FRAS1: variants seen among roughly 807,000 people sequenced by gnomAD.
FRAS1 encodes Fraser extracellular matrix complex subunit 1.
FRAS1 carries 290 observed loss-of-function variants against 435.2 expected under a neutral mutation model. The observed-to-expected ratio is 0.67, with a 90% confidence interval of 0.61 to 0.73. FRAS1 has a LOEUF of 0.73. Among genes scored for constraint, FRAS1 ranks in the 30% least tolerant of loss-of-function variants. The pLI is 0.00. For missense variants in FRAS1, 4,860 were observed against 5,001.5 expected, an observed-to-expected ratio of 0.97 and a Z score of 0.85; for synonymous variants, 1,800 against 1,851.0, an observed-to-expected ratio of 0.97 and a Z score of 0.71.
chr4:78,374,249 CA>C lies in FRAS1; in HGVS notation c.3150del (p.Ala1051ProfsTer24). The C allele has an allele frequency of 6.4e-7, 1 of 1,572,676 alleles. No homozygotes were observed. The highest frequency in any genetic ancestry group is 8.7e-7 in the Non-Finnish European group (1 of 1,155,098). On this transcript the variant is annotated frameshift_variant and splice_region_variant, in exon 25 of 74. Coordinates refer to ENST00000512123, the MANE Select transcript of FRAS1 (RefSeq NM_025074.7). LOFTEE classifies it high-confidence loss of function. Reference protein sequence around the residue: ...YFADHAKHKCTACPQGCLQCS... With the variant: ...YFADHAKHKCXACPQGCLQCS... The stretch of plus-strand genomic sequence containing the variant: ...GCAGATCATGCAAAGCACAAATGCA[CA>C]GGTAACTTGGAGACTGCTGATTATT...
chr4:78,401,792 ATTAGACCATGTGTCTTGTCT>A, intron 30 of FRAS1, among the ~76,000 whole-genome samples: 1 of 151,398 alleles, frequency 6.6e-6, no homozygotes, highest in Admixed American at 6.6e-5. Flanking sequence ...CTCAGGTTAA[ATTAGACCATGTGTCTTGTCT>A]AAGAAACCTG....
At position 78,266,873 on chromosome 4, in the gene FRAS1, A is replaced by G. The variant is rs6848030; in HGVS notation, c.727A>G (p.Ile243Val). ...QWSENACTTC[I>V]CDRGEVRCHK... ...GAGCGAAAATGCCTGCACCACGTGT[A>G]TATGTGACCGGGGTGAGGTCAGGTG... Residue 243 changes from isoleucine (I) to valine (V), a missense_variant, in exon 8 of 74, where the codon ATA becomes GTA. By Grantham distance (29) the Ile-to-Val change is conservative (BLOSUM62 3). Coordinates refer to ENST00000512123, the MANE Select transcript of FRAS1 (RefSeq NM_025074.7). The G allele has an allele frequency of 2.8e-3, 4,441 of 1,608,268 alleles. 106 individuals are homozygous for G. In the African/African-American group the frequency reaches 0.048, roughly 18 times the overall value.
intron 20 of FRAS1, among the ~76,000 whole-genome samples, chr4:78,344,072 C>G (rs1234558766): frequency 9.1e-6 from 1 of 110,366 alleles, no homozygotes; most frequent in Non-Finnish European, 1.8e-5. Flanking sequence ...ATCACCAAAT[C>G]CTACCCATCC....
At chr4:78,525,884 A>C (rs60358735) in intron 69 of FRAS1, among the ~76,000 whole-genome samples, 1 of 152,236 alleles carries the variant, frequency 6.6e-6, no homozygotes, top group Non-Finnish European at 1.5e-5. Flanking sequence ...TAAACAGGGA[A>C]GTCCCCAAGT....
At chr4:78,469,464 GACA>G (rs1719637967) in intron 50 of FRAS1, among the ~76,000 whole-genome samples, 1 of 151,542 alleles carries the variant, frequency 6.6e-6, no homozygotes, top group Non-Finnish European at 1.5e-5. Flanking sequence ...CCTTAAAACA[GACA>G]ACAACAATGG....
intron 2 of FRAS1, among the ~76,000 whole-genome samples, chr4:78,129,303 T>C (rs944399233): frequency 6.6e-6 from 1 of 152,230 alleles, no homozygotes; most frequent in African/African-American, 2.4e-5. Flanking sequence ...AAGTCATTGT[T>C]ATGAAGTAAG....
chr4:78,493,948 A>G (rs1720439073), intron 59 of FRAS1, among the ~76,000 whole-genome samples: 1 of 152,138 alleles, frequency 6.6e-6, no homozygotes. Flanking sequence ...TGAGTCAGTT[A>G]TATCCCTTGG....
chr4:78,413,870 G>A (rs73831311), intron 32 of FRAS1, among the ~76,000 whole-genome samples: 9,974 of 152,174 alleles, frequency 0.066, 1,078 homozygotes, highest in African/African-American at 0.22. Flanking sequence ...CAACTCCTCC[G>A]TGACCCTCTG....
intron 14 of FRAS1, among the ~76,000 whole-genome samples, chr4:78,300,860 G>A (rs765106679): frequency 1.3e-5 from 2 of 151,904 alleles, no homozygotes; most frequent in East Asian, 3.9e-4. Flanking sequence ...AGAGCTGCTC[G>A]TGATGGTCCA....
chr4:78,144,189 AG>A (rs1720317573), intron 2 of FRAS1, among the ~76,000 whole-genome samples: 1 of 151,950 alleles, frequency 6.6e-6, no homozygotes, highest in Non-Finnish European at 1.5e-5. Context: ...GAAGAAAAAA[AG>A]AATGATAAAT....
intron 14 of FRAS1, among the ~76,000 whole-genome samples, chr4:78,288,013 G>A (rs913034875): frequency 6.6e-6 from 1 of 152,198 alleles, no homozygotes; most frequent in African/African-American, 2.4e-5. Context: ...TCTGAGCATT[G>A]TTGAACAAGT....
intron 1 of FRAS1, among the ~76,000 whole-genome samples, chr4:78,059,883 A>G (rs1739675992): frequency 4.6e-5 from 1 of 21,892 alleles, no homozygotes; most frequent in Non-Finnish European, 8.5e-5. Context: ...CTGGGGGTAG[A>G]GACGGGGGGC....
rs567286664 is a variant in FRAS1 at position 78,404,382 on chromosome 4, C to T, written c.4130-3281C>T. Among the ~76,000 whole-genome samples, 218 of 147,134 alleles carry T rather than the reference C, an allele frequency of 1.5e-3. 1 individual carries two copies. Among genetic ancestry groups the T allele is most frequent in the African/African-American group, 4.8e-3 (192 of 39,710 alleles). On this transcript the variant is annotated intron_variant, in intron 30 of 73. Coordinates refer to ENST00000512123, the MANE Select transcript of FRAS1 (RefSeq NM_025074.7). Reference sequence around the variant, plus strand: ...ATATTATCTTTTTGTTGTCATATTACGATTAAAGCATAGGTGAGGTACTAC... The same window carrying T: ...ATATTATCTTTTTGTTGTCATATTATGATTAAAGCATAGGTGAGGTACTAC...
At chr4:78,355,908 C>G (rs890124458) in intron 20 of FRAS1, among the ~76,000 whole-genome samples, 5 of 152,154 alleles carry the variant, frequency 3.3e-5, no homozygotes, top group Non-Finnish European at 5.9e-5. Context: ...GTGGGCCCAT[C>G]AAAGATCTGA....
rs567225367 is a variant in FRAS1 at position 78,178,534 on chromosome 4, T to G, written c.109-58976T>G. On this transcript the variant is annotated intron_variant, in intron 2 of 73. Transcript: ENST00000512123. ...ATTTGGTGGGCATCAACATAAAAATTCCCCTGATAGTCAGTGTAGTATTTG... is the reference window on the plus strand; with the variant it reads ...ATTTGGTGGGCATCAACATAAAAATGCCCCTGATAGTCAGTGTAGTATTTG... 3.3e-5 allele frequency among the ~76,000 whole-genome samples: 5 copies of G among 152,304 alleles called. No individual in the cohort carries two copies. In the East Asian group the frequency reaches 7.7e-4, roughly 23 times the overall value.
intron 61 of FRAS1, among the ~76,000 whole-genome samples, chr4:78,504,001 C>T (rs1392905792): frequency 2.6e-5 from 4 of 152,154 alleles, no homozygotes; most frequent in Admixed American, 2.0e-4. Flanking sequence ...GCAGATTGTT[C>T]AGTTTCCATG....
chr4:78,387,632 T>C lies in FRAS1; in HGVS notation c.3906T>C (p.Val1302=). 6.2e-7 allele frequency: 1 copy of C among 1,607,798 alleles called. No individual in the cohort carries two copies. Among genetic ancestry groups the C allele is most frequent in the Non-Finnish European group, 8.5e-7 (1 of 1,175,634 alleles). Residue 1302 remains valine (V), a synonymous_variant, in exon 29 of 74, where the codon GTT becomes GTC. Coordinates refer to ENST00000512123, the MANE Select transcript of FRAS1 (RefSeq NM_025074.7). ...AHDGSDSTSD[V]AVLQANDGHS... ...ATGGTTCAGACAGCACATCCGATGT[T>C]GCAGTCTTGCAGGCCAATGATGGAC... is the stretch of plus-strand genomic sequence containing the variant.
In FRAS1 at chr4:78,429,214, A is replaced by C. The variant is rs1378460288; in HGVS notation, c.4831A>C (p.Ser1611Arg). Residue 1611 changes from serine (S) to arginine (R), a missense_variant, in exon 36 of 74, where the codon AGC (serine) becomes CGC (arginine). Ser to Arg is a moderately radical substitution (Grantham distance 110, BLOSUM62 -1). Transcript: ENST00000512123. The part of the protein sequence containing the change: ...APRLAVSPGG[S>R]TSVGLQVVVR... Reference sequence around the variant, plus strand: ...ACGGCTGGCGGTCAGCCCAGGAGGCAGCACTTCTGTAGGTAAGAACTGGGA... The same window carrying C: ...ACGGCTGGCGGTCAGCCCAGGAGGCCGCACTTCTGTAGGTAAGAACTGGGA... The C allele has an allele frequency of 1.9e-6, 3 of 1,607,542 alleles. No individual in the cohort carries two copies. In the African/African-American group the frequency reaches 4.0e-5, roughly 21 times the overall value.
intron 2 of FRAS1, among the ~76,000 whole-genome samples, chr4:78,079,651 G>T (rs1272562459): frequency 6.6e-6 from 1 of 152,076 alleles, no homozygotes; most frequent in Non-Finnish European, 1.5e-5. Flanking sequence ...TGGGTTGGCA[G>T]CCTCCTTGTG....
Sources: allele counts gnomAD v4.1 joint callset (sites outside exome capture counted in the v4.1 genomes callset), GRCh38; gene constraint gnomAD v4.1.1; transcripts MANE v1.5; gene names NCBI Gene and HGNC (gene_info 2026-07-23, HGNC 2026-07-21).